Variants in COL23A1 observed in about 807,000 individuals in gnomAD.
COL23A1 encodes collagen alpha-1(XXIII) chain.
Under a neutral mutation model 99.3 loss-of-function variants are expected in COL23A1, and 97 were observed. The observed-to-expected ratio is 0.98, with a 90% CI of 0.83 to 1.16. The LOEUF is 1.16. COL23A1 is among the 50% of genes most tolerant of loss of function. COL23A1 has a pLI of 0.00. For synonymous variants in COL23A1, 320 were observed against 308.2 expected (o/e 1.04, Z -0.40); for missense variants, 762 against 757.4 (o/e 1.01, Z -0.07).
chr5:178,245,010 T>C (rs1290065403), intron 25 of COL23A1, among the ~76,000 whole-genome samples: 4 of 139,198 alleles, frequency 2.9e-5, no homozygotes, highest in African/African-American at 1.1e-4. Flanking sequence ...CATCCATCCC[T>C]CCACTGCCAT....
At chr5:178,327,642 G>A (rs1043141418) in intron 2 of COL23A1, among the ~76,000 whole-genome samples, 8 of 152,248 alleles carry the variant, frequency 5.3e-5, no homozygotes, top group African/African-American at 1.7e-4. Context: ...GGGGTGAGGC[G>A]CAGCAGAGCC....
intron 2 of COL23A1, among the ~76,000 whole-genome samples, chr5:178,453,278 G>C (rs1435742763): frequency 6.6e-6 from 1 of 152,202 alleles, no homozygotes; most frequent in Non-Finnish European, 1.5e-5. Context: ...GAAGAGAACA[G>C]GACATCTGGA....
At chr5:178,305,868 C>T (rs1420955956) in intron 3 of COL23A1, among the ~76,000 whole-genome samples, 3 of 151,826 alleles carry the variant, frequency 2.0e-5, no homozygotes, top group Non-Finnish European at 4.4e-5. Context: ...GGGAAGGGAT[C>T]GAGGATGCAG....
chr5:178,388,581 C>T (rs930094236), intron 2 of COL23A1, among the ~76,000 whole-genome samples: 2 of 152,232 alleles, frequency 1.3e-5, no homozygotes, highest in African/African-American at 4.8e-5. Context: ...CCTTGCTTGT[C>T]TCTCCCACTG....
intron 2 of COL23A1, among the ~76,000 whole-genome samples, chr5:178,406,876 T>G (rs896610542): frequency 1.3e-5 from 2 of 152,162 alleles, no homozygotes; most frequent in African/African-American, 2.4e-5. Context: ...CTACAATAAT[T>G]AAAACAACTT....
At chr5:178,507,640 A>C (rs938560150) in intron 2 of COL23A1, among the ~76,000 whole-genome samples, 1 of 151,994 alleles carries the variant, frequency 6.6e-6, no homozygotes, top group Non-Finnish European at 1.5e-5. Flanking sequence ...GCGTTTGAAA[A>C]CTTCTTATGC....
chr5:178,241,105 C>T (rs1764370756), intron 27 of COL23A1, among the ~76,000 whole-genome samples: 1 of 152,156 alleles, frequency 6.6e-6, no homozygotes, highest in Admixed American at 6.5e-5. Context: ...TGGTGCATGC[C>T]TGTAGTTCTT....
chr5:178,246,217 C>T (rs775984157), intron 24 of COL23A1, 37 bp downstream of exon 24: 2 of 1,550,934 alleles, frequency 1.3e-6, no homozygotes, highest in Non-Finnish European at 1.7e-6. Flanking sequence ...GACCAGGTGG[C>T]CACGGTTGGA....
intron 2 of COL23A1, among the ~76,000 whole-genome samples, chr5:178,448,827 C>A (rs1767317938): frequency 6.6e-6 from 1 of 152,060 alleles, no homozygotes; most frequent in African/African-American, 2.4e-5. Context: ...AACCTCACCC[C>A]ACGAGGATCA....
At chr5:178,398,472 C>CA (rs1365835184) in intron 2 of COL23A1, among the ~76,000 whole-genome samples, 3 of 152,042 alleles carry the variant, frequency 2.0e-5, no homozygotes, top group Non-Finnish European at 4.4e-5. Context: ...ACTAAAAATA[C>CA]AAAAATTAGC....
At chr5:178,523,432 A>G (rs1256351616) in intron 2 of COL23A1, 1 of 143,920 alleles carries the variant, frequency 6.9e-6, no homozygotes, top group African/African-American at 2.5e-5. Context: ...TGTCTCAAAA[A>G]AAAAAAAAAA....
At chr5:178,370,455 T>TA (rs1243789187) in intron 2 of COL23A1, among the ~76,000 whole-genome samples, 8 of 149,010 alleles carry the variant, frequency 5.4e-5, no homozygotes, top group Admixed American at 6.7e-5. Flanking sequence ...ATGTGGAATC[T>TA]AAAAAAAAAA....
rs1485078983 is a variant in COL23A1 at position 178,310,052 on chromosome 5, G to A, written c.362-3133C>T. ...CAAGTCCAGCAAGCTCCAGGGCTTA[G>A]GAGAGACACAGGGCCACCTGGTCTG... On this transcript the variant is annotated intron_variant, in intron 2 of 28. Coordinates refer to ENST00000390654, the MANE Select transcript of COL23A1 (RefSeq NM_173465.4). This position sits in a 1 kb window ranked among gnomAD's most constrained non-coding sequence, Gnocchi z 4.3. Among the ~76,000 whole-genome samples, 1 of 152,234 alleles carries A rather than the reference G, an allele frequency of 6.6e-6. No individual in the cohort carries two copies. The highest frequency in any genetic ancestry group is 1.5e-5 in the Non-Finnish European group (1 of 68,026).
chr5:178,554,109 C>T (rs185347414), intron 2 of COL23A1, among the ~76,000 whole-genome samples: 1 of 152,178 alleles, frequency 6.6e-6, no homozygotes, highest in African/African-American at 2.4e-5. Flanking sequence ...GGCCACGCAG[C>T]CTAGATGGGA....
chr5:178,461,295 G>A (rs1756108805), intron 2 of COL23A1, among the ~76,000 whole-genome samples: 1 of 152,160 alleles, frequency 6.6e-6, no homozygotes, highest in Non-Finnish European at 1.5e-5. Flanking sequence ...AGCTGTAATG[G>A]CTGTTTCCAC....
chr5:178,529,077 C>T (rs1007901313), intron 2 of COL23A1, among the ~76,000 whole-genome samples: 3 of 152,238 alleles, frequency 2.0e-5, no homozygotes, highest in Non-Finnish European at 4.4e-5. Flanking sequence ...TGAGGTCCCT[C>T]GCGGCTGTTC....
chr5:178,246,120 G>A (rs1764679522), intron 24 of COL23A1, 134 bp downstream of exon 24: 5 of 1,302,970 alleles, frequency 3.8e-6, no homozygotes, highest in Middle Eastern at 5.1e-4. Flanking sequence ...GACAGACCTG[G>A]CATCCACAGA....
intron 2 of COL23A1, among the ~76,000 whole-genome samples, chr5:178,339,659 G>A (rs534669742): frequency 1.1e-4 from 16 of 152,238 alleles, no homozygotes; most frequent in Non-Finnish European, 2.2e-4. Context: ...ATGCACTGGA[G>A]TAAACATGAG....
intron 1 of COL23A1, among the ~76,000 whole-genome samples, chr5:178,572,032 C>A (rs1763130075): frequency 7.4e-6 from 1 of 134,680 alleles, no homozygotes; most frequent in South Asian, 2.4e-4. Flanking sequence ...TGCGCCACTG[C>A]ACTCCAGCCT....
Sources: allele counts gnomAD v4.1 joint callset (sites outside exome capture counted in the v4.1 genomes callset), GRCh38; gene constraint gnomAD v4.1.1; non-coding constraint Gnocchi (gnomAD v3.1); transcripts MANE v1.5; gene names NCBI Gene and HGNC (gene_info 2026-07-23, HGNC 2026-07-21).